Variants in ST8SIA6 observed in about 807,000 individuals in gnomAD.
ST8SIA6 encodes the protein ST8 alpha-N-acetyl-neuraminide alpha-2,8-sialyltransferase 6.
ST8SIA6 carries 39 observed loss-of-function variants against 33.6 expected under a neutral mutation model. The ratio of observed to expected loss-of-function variants is 1.16; its 90% CI spans 0.90 to 1.52. The LOEUF (loss-of-function observed/expected upper bound fraction) is 1.52. Among genes scored for constraint, ST8SIA6 ranks in the 40% most tolerant of loss-of-function variants. The pLI is 0.00. For missense variants in ST8SIA6, 441 were observed against 443.8 expected (o/e 0.99, Z 0.06); for synonymous variants, 172 against 167.2 (o/e 1.03, Z -0.22).
intron 4 of ST8SIA6, among the ~76,000 whole-genome samples, chr10:17,341,900 C>CAAAAAAAAAAAAAAAAAAA (rs71393004): frequency 1.4e-5 from 1 of 73,164 alleles, no homozygotes; most frequent in Non-Finnish European, 2.4e-5. Context: ...GGCTCCATCT[C>CAAAAAAAAAAAAAAAAAAA]AAAAAAAAAA....
In ST8SIA6 at chr10:17,320,209, T is replaced by A. The variant is rs548290218; in HGVS notation, c.*669A>T. 1.3e-5 allele frequency: 2 copies of A among 152,228 alleles called. No individual in the cohort carries two copies. Among genetic ancestry groups the A allele is most frequent in the African/African-American group, 4.8e-5 (2 of 41,434 alleles). 9.4% of individuals were successfully genotyped at this position (152,228 alleles called of 1,614,324 possible). ...AGTGAGAGAGAAAAAAGTGTAAGAA[T>A]GAGGCAGGAAGTTAAAATAAAATTA... is the stretch of plus-strand genomic sequence containing the variant. On this transcript the variant is annotated 3_prime_UTR_variant, in exon 8 of 8. Transcript: ENST00000377602.
intron 3 of ST8SIA6, among the ~76,000 whole-genome samples, chr10:17,383,709 G>T (rs1850240568): frequency 6.6e-6 from 1 of 152,268 alleles, no homozygotes; most frequent in Admixed American, 6.5e-5. Flanking sequence ...ATATCAGAAT[G>T]CAGGAAAAAC....
rs146005227 is a variant in ST8SIA6, at chr10:17,332,775, A to G, written c.378-1223T>C. Reference sequence around the variant, plus strand: ...GCCATTCTGATGGGCCTGAGATGGTATTTCACTGTGGTTTTGAATTGCATT... The same window carrying G: ...GCCATTCTGATGGGCCTGAGATGGTGTTTCACTGTGGTTTTGAATTGCATT... On this transcript the variant is annotated intron_variant, in intron 4 of 7. Transcript: ENST00000377602. 2.7e-3 allele frequency among the ~76,000 whole-genome samples: 411 copies of G among 152,278 alleles called. 4 individuals carry two copies. The highest frequency in any genetic ancestry group is 9.6e-3 in the African/African-American group (400 of 41,558).
At chr10:17,328,994 C>A (rs938782682) in intron 5 of ST8SIA6, among the ~76,000 whole-genome samples, 2 of 152,098 alleles carry the variant, frequency 1.3e-5, no homozygotes, top group Non-Finnish European at 2.9e-5. Flanking sequence ...GTTTACCAGC[C>A]CAACTGACAA....
intron 2 of ST8SIA6, among the ~76,000 whole-genome samples, chr10:17,444,601 G>A (rs905913649): frequency 1.2e-4 from 19 of 152,262 alleles, no homozygotes; most frequent in African/African-American, 4.6e-4. Context: ...GAAGCTCAGG[G>A]GTGACTGCAG....
At chr10:17,432,990 A>G (rs1852148626) in intron 2 of ST8SIA6, among the ~76,000 whole-genome samples, 1 of 152,090 alleles carries the variant, frequency 6.6e-6, no homozygotes, top group African/African-American at 2.4e-5. Flanking sequence ...CTATAAATTC[A>G]CTCTGACAAT....
chr10:17,451,738 A>T (rs1852918352), intron 2 of ST8SIA6, among the ~76,000 whole-genome samples: 2 of 152,210 alleles, frequency 1.3e-5, no homozygotes, highest in African/African-American at 4.8e-5. Flanking sequence ...ATTTCTCTAT[A>T]CAACCAAGTA....
At chr10:17,447,036 AAAAAAG>A (rs1564469690) in intron 2 of ST8SIA6, among the ~76,000 whole-genome samples, 6 of 151,600 alleles carry the variant, frequency 4.0e-5, no homozygotes, top group South Asian at 2.1e-4. Context: ...AAAAAAAAAA[AAAAAAG>A]AAAAAGAGAA....
chr10:17,356,735 G>T (rs1849204124), intron 4 of ST8SIA6, among the ~76,000 whole-genome samples: 1 of 151,544 alleles, frequency 6.6e-6, no homozygotes, highest in African/African-American at 2.4e-5. Flanking sequence ...AGGCCATTTG[G>T]AGTAATTGTC....
chr10:17,337,783 C>T (rs1259340154), intron 4 of ST8SIA6, among the ~76,000 whole-genome samples: 1 of 152,174 alleles, frequency 6.6e-6, no homozygotes, highest in Non-Finnish European at 1.5e-5. Flanking sequence ...ATGGGTATGG[C>T]CATTGCTCCC....
intron 3 of ST8SIA6, among the ~76,000 whole-genome samples, chr10:17,374,607 G>A (rs533690610): frequency 6.6e-6 from 1 of 151,716 alleles, no homozygotes; most frequent in South Asian, 2.1e-4. Context: ...CCAGCTTCTT[G>A]GGAGGCGGAG....
intron 2 of ST8SIA6, among the ~76,000 whole-genome samples, chr10:17,401,981 C>T (rs1851058768): frequency 6.6e-6 from 1 of 152,156 alleles, no homozygotes; most frequent in Non-Finnish European, 1.5e-5. Flanking sequence ...AAACTACCAT[C>T]AGAGTGAAGA....
At chr10:17,326,422 C>T (rs11254535) in intron 6 of ST8SIA6, among the ~76,000 whole-genome samples, 43,708 of 152,034 alleles carry the variant, frequency 0.29, 6,695 homozygotes, top group Middle Eastern at 0.38. Context: ...CACAGAAAAA[C>T]CATTTTGTTT....
At chr10:17,351,999 T>C (rs1024832457) in intron 4 of ST8SIA6, among the ~76,000 whole-genome samples, 5 of 152,046 alleles carry the variant, frequency 3.3e-5, no homozygotes, top group Non-Finnish European at 7.4e-5. Context: ...TAATAATGTA[T>C]TGCAGATTTC....
chr10:17,389,023 G>C lies in ST8SIA6; in HGVS notation c.290+1508C>G, dbSNP rs1481213233. On this transcript the variant is annotated intron_variant, in intron 3 of 7. Transcript: ENST00000377602. ...TATTTTTCAGACCCTAGACTGGATG[G>C]ATCAGCTGACACCCCCCAGACTCAT... Among the ~76,000 whole-genome samples the C allele has an allele frequency of 2.0e-5, 3 of 152,054 alleles. No individual in the cohort carries two copies. In the South Asian group the frequency reaches 6.2e-4, roughly 32 times the overall value.
chr10:17,371,105 G>T (rs1849717937), intron 3 of ST8SIA6, among the ~76,000 whole-genome samples: 1 of 152,140 alleles, frequency 6.6e-6, no homozygotes, highest in Non-Finnish European at 1.5e-5. Flanking sequence ...ATGGGACATG[G>T]TATGGCTAAA....
intron 4 of ST8SIA6, among the ~76,000 whole-genome samples, chr10:17,338,022 AATACT>A (rs1848559181): frequency 7.6e-6 from 1 of 132,016 alleles, no homozygotes; most frequent in Non-Finnish European, 1.5e-5. Flanking sequence ...GGAGGCAGAA[AATACT>A]ATTCTTTTTT....
At chr10:17,342,905 C>T (rs745553406) in intron 4 of ST8SIA6, among the ~76,000 whole-genome samples, 33 of 152,128 alleles carry the variant, frequency 2.2e-4, no homozygotes, top group South Asian at 1.9e-3. Context: ...GCTGAGATCG[C>T]GCCACCATGC....
chr10:17,434,790 G>A (rs1852201155), intron 2 of ST8SIA6, among the ~76,000 whole-genome samples: 1 of 152,076 alleles, frequency 6.6e-6, no homozygotes, highest in South Asian at 2.1e-4. Context: ...CTGCAACTTG[G>A]GTAAAGTAAA....
Sources: allele counts gnomAD v4.1 joint callset (sites outside exome capture counted in the v4.1 genomes callset), GRCh38; gene constraint gnomAD v4.1.1; transcripts MANE v1.5; gene names NCBI Gene and HGNC (gene_info 2026-07-23, HGNC 2026-07-21).